PALB2: variants seen among roughly 807,000 people sequenced by gnomAD.
PALB2 encodes the protein partner and localizer of BRCA2.
PALB2 carries 82 observed loss-of-function variants against 107.4 expected under a neutral mutation model. The ratio of observed to expected loss-of-function variants is 0.76; its 90% CI spans 0.64 to 0.92. The LOEUF (loss-of-function observed/expected upper bound fraction) is 0.92. Among genes scored for constraint, PALB2 ranks in the 40% least tolerant of loss-of-function variants. The probability of loss-of-function intolerance (pLI) is 0.00; values close to 1 mark genes in which losing one functional copy is unlikely to be tolerated. For missense variants in PALB2, 1,374 were observed against 1,379.9 expected, an observed-to-expected ratio of 1.00 and a Z score of 0.07; for synonymous variants, 489 against 496.8, an observed-to-expected ratio of 0.98 and a Z score of 0.21.
rs139210467 is a variant in PALB2 at position 23,620,374 on chromosome 16, G to C, written c.3113+988C>G. The stretch of plus-strand genomic sequence containing the variant: ...GCGATCACCCTGAACTCTGTCCTTT[G>C]GTTCTCTAAGCCAGTGGGACAGAAG... On this transcript the variant is annotated intron_variant, in intron 10 of 12. Transcript: ENST00000261584. Among the ~76,000 whole-genome samples, 63 of 152,088 alleles carry C rather than the reference G, an allele frequency of 4.1e-4. 1 individual carries two copies. Among genetic ancestry groups the C allele is most frequent in the African/African-American group, 1.4e-3 (59 of 41,518 alleles).
chr16:23,624,232 CTT>C (rs775730652), intron 7 of PALB2, 138 bp from the exon 8 acceptor site: 28 of 675,534 alleles, frequency 4.1e-5, no homozygotes, highest in Non-Finnish European at 7.2e-5. Flanking sequence ...TCAGAAAACT[CTT>C]TTTATTAGCT....
chr16:23,627,998 C>A (rs12598466), intron 6 of PALB2, among the ~76,000 whole-genome samples: 2 of 152,184 alleles, frequency 1.3e-5, no homozygotes, highest in African/African-American at 4.8e-5. Flanking sequence ...CCAAGGCAGG[C>A]GGATCCCCTG....
intron 10 of PALB2, among the ~76,000 whole-genome samples, chr16:23,614,888 G>A (rs1031879659): frequency 6.6e-6 from 1 of 150,468 alleles, no homozygotes; most frequent in African/African-American, 2.4e-5. Flanking sequence ...CTGACCTCGT[G>A]ATCCGCCCGC....
At chr16:23,622,768 C>T (rs1206969715) in intron 9 of PALB2, among the ~76,000 whole-genome samples, 2 of 152,108 alleles carry the variant, frequency 1.3e-5, no homozygotes. Context: ...AGCCTCTCAC[C>T]TTCTTTGACT....
intron 9 of PALB2, among the ~76,000 whole-genome samples, chr16:23,621,682 C>A (rs568560713): frequency 6.6e-6 from 1 of 152,180 alleles, no homozygotes; most frequent in Non-Finnish European, 1.5e-5. Flanking sequence ...GCAAGCACCT[C>A]GAATTCATTA....
At chr16:23,630,519 G>T in intron 4 of PALB2, 50 bp from the exon 5 acceptor site, 1 of 1,403,792 alleles carries the variant, frequency 7.1e-7, no homozygotes, top group South Asian at 1.2e-5. Flanking sequence ...CAACAAAACA[G>T]ACAATCTGTT....
chr16:23,639,489 G>A (rs1057096009), intron 1 of PALB2, among the ~76,000 whole-genome samples: 44 of 140,754 alleles, frequency 3.1e-4, no homozygotes, highest in Non-Finnish European at 2.9e-4. Flanking sequence ...CTGCACTCCA[G>A]CCTGGGCAAC....
Position 23,629,697 on chromosome 16 carries a change from T to C in PALB2, c.2457A>G (p.Lys819=). ...ATGTGTTTCTACAGAGCTGATTTTCTTTAAAAGTGAATGACTCAATGGGTG... is the reference window on the plus strand; with the variant it reads ...ATGTGTTTCTACAGAGCTGATTTTCCTTAAAAGTGAATGACTCAATGGGTG... ...TPPPIESFTF[K]ENQLCRNTCQ... Residue 819 remains lysine (K), a synonymous_variant, in exon 5 of 13, where the codon AAA becomes AAG. Coordinates refer to ENST00000261584, the MANE Select transcript of PALB2 (RefSeq NM_024675.4). 2 of 1,614,264 alleles carry C rather than the reference T, an allele frequency of 1.2e-6. No individual in the cohort carries two copies. Among genetic ancestry groups the C allele is most frequent in the Non-Finnish European group, 8.5e-7 (1 of 1,180,048 alleles).
intron 10 of PALB2, among the ~76,000 whole-genome samples, 160 bp downstream of exon 10, chr16:23,621,200 ACT>A (rs1474211050): frequency 6.6e-6 from 1 of 152,290 alleles, no homozygotes; most frequent in East Asian, 1.9e-4. Context: ...ATAGGAGGAG[ACT>A]CTGTCTCAAA....
At chr16:23,612,306 C>T (rs772567397) in intron 11 of PALB2, among the ~76,000 whole-genome samples, 3 of 152,136 alleles carry the variant, frequency 2.0e-5, no homozygotes, top group Non-Finnish European at 4.4e-5. Context: ...CAACCTCCAC[C>T]TCCTGGGTTC....
intron 1 of PALB2, chr16:23,640,875 CTG>C (rs1336908599): frequency 1.8e-6 from 1 of 554,736 alleles, no homozygotes; most frequent in South Asian, 2.4e-5. Flanking sequence ...TATCTACAAA[CTG>C]TTACACATTG....
chr16:23,622,398 T>A (rs1474119552), intron 9 of PALB2, among the ~76,000 whole-genome samples: 1 of 150,428 alleles, frequency 6.6e-6, no homozygotes, highest in South Asian at 2.1e-4. Flanking sequence ...TGTGTGTGTG[T>A]GTGTGTGTGT....
chr16:23,637,093 C>CA (rs548056851), intron 3 of PALB2, among the ~76,000 whole-genome samples: 180 of 151,596 alleles, frequency 1.2e-3, no homozygotes, highest in African/African-American at 4.3e-3. Flanking sequence ...ACTAAAAATA[C>CA]AAAAATTAGC....
chr16:23,620,863 A>G (rs1966759921), intron 10 of PALB2, among the ~76,000 whole-genome samples: 1 of 152,212 alleles, frequency 6.6e-6, no homozygotes, highest in South Asian at 2.1e-4. Context: ...ACTTGAGGCC[A>G]GGAGTTCAAG....
intron 1 of PALB2, among the ~76,000 whole-genome samples, chr16:23,639,822 AAAAC>A (rs1449621175): frequency 2.6e-4 from 40 of 152,148 alleles, no homozygotes; most frequent in Non-Finnish European, 2.5e-4. Context: ...GTCTGTCTCA[AAAAC>A]AAACAAAACA....
intron 1 of PALB2, among the ~76,000 whole-genome samples, chr16:23,639,441 C>T (rs1371263233): frequency 6.6e-6 from 1 of 150,734 alleles, no homozygotes; most frequent in African/African-American, 2.4e-5. Flanking sequence ...ATTGCTTGAA[C>T]CCGGAGGCGG....
rs568498955 is a variant in PALB2 at position 23,628,779 on chromosome 16, G to A, written c.2586+425C>T. Among the ~76,000 whole-genome samples the A allele has an allele frequency of 7.2e-5, 11 of 152,078 alleles. No homozygotes were observed. The South Asian group carries it at 8.3e-4, about 11-fold the overall frequency. On this transcript the variant is annotated intron_variant, in intron 6 of 12. Coordinates refer to ENST00000261584, the MANE Select transcript of PALB2 (RefSeq NM_024675.4). The stretch of plus-strand genomic sequence containing the variant: ...CTCCCTAGCAGCTGGGATTATAGGC[G>A]CCCACCACCACGCCCGGCTAATTTT...
chr16:23,624,493 T>A (rs1966833279), intron 7 of PALB2, among the ~76,000 whole-genome samples: 1 of 152,214 alleles, frequency 6.6e-6, no homozygotes, highest in African/African-American at 2.4e-5. Context: ...TATATTCAAG[T>A]ATGAAGACTC....
chr16:23,623,163 T>A lies in PALB2; in HGVS notation c.2835-33A>T, dbSNP rs1360244478. 9 of 1,588,866 alleles carry A rather than the reference T, an allele frequency of 5.7e-6. No homozygotes were observed. The South Asian group carries it at 1.0e-4, about 18-fold the overall frequency. ...AAATATAAGGAAAAATGGGGTGATG[T>A]GAGGAGTAACCTTTTAATATTAAAG... On this transcript the variant is annotated intron_variant, in intron 8 of 12. Coordinates refer to ENST00000261584, the MANE Select transcript of PALB2 (RefSeq NM_024675.4).
Sources: allele counts gnomAD v4.1 joint callset (sites outside exome capture counted in the v4.1 genomes callset), GRCh38; gene constraint gnomAD v4.1.1; transcripts MANE v1.5; gene names NCBI Gene and HGNC (gene_info 2026-07-23, HGNC 2026-07-21).